The following NEDD4L variants were observed in gnomAD, a reference collection of about 807,000 sequenced individuals.
The protein encoded by NEDD4L is E3 ubiquitin-protein ligase NEDD4-like.
In NEDD4L, 54 loss-of-function variants were observed where a neutral mutation model predicts 148.9. The observed-to-expected ratio is 0.36, with a 90% confidence interval of 0.29 to 0.45. NEDD4L has a LOEUF of 0.45. NEDD4L is among the 20% of genes least tolerant of loss of function. The pLI is 1.00. For missense variants in NEDD4L, 856 were observed against 1,233.8 expected (o/e 0.69, Z 4.59); for synonymous variants, 433 against 440.7 (o/e 0.98, Z 0.22).
chr18:58,070,669 G>A (rs1225726443), intron 1 of NEDD4L, among the ~76,000 whole-genome samples: 1 of 152,088 alleles, frequency 6.6e-6, no homozygotes, highest in Non-Finnish European at 1.5e-5. Flanking sequence ...CCATTCAGCA[G>A]AGTGTTGAAG....
At chr18:58,200,833 G>A (rs938436949) in intron 2 of NEDD4L, among the ~76,000 whole-genome samples, 10 of 152,220 alleles carry the variant, frequency 6.6e-5, no homozygotes, top group Non-Finnish European at 1.5e-4. Context: ...AATATAAAAT[G>A]TATTTGAATA....
At chr18:58,241,007 A>G (rs1012927852) in intron 2 of NEDD4L, among the ~76,000 whole-genome samples, 2 of 151,978 alleles carry the variant, frequency 1.3e-5, no homozygotes, top group African/African-American at 4.8e-5. Context: ...ACGAGATTTT[A>G]CCATGTTGTC....
intron 8 of NEDD4L, 138 bp downstream of exon 8, chr18:58,323,472 T>C: frequency 1.7e-6 from 1 of 593,956 alleles, no homozygotes; most frequent in East Asian, 2.9e-5. Flanking sequence ...AAATTGGTCA[T>C]TGATAGTCTA....
At chr18:58,251,523 CTGTCTGTG>C (rs1600247031) in intron 4 of NEDD4L, among the ~76,000 whole-genome samples, 1 of 151,806 alleles carries the variant, frequency 6.6e-6, no homozygotes, top group East Asian at 1.9e-4. Flanking sequence ...CTCTGTCTGT[CTGTCTGTG>C]TGTTTGTGTG....
intron 2 of NEDD4L, among the ~76,000 whole-genome samples, chr18:58,188,824 A>G (rs2039766866): frequency 6.6e-6 from 1 of 152,228 alleles, no homozygotes; most frequent in African/African-American, 2.4e-5. Flanking sequence ...GGGTTAATTC[A>G]TTGTCTTTCT....
chr18:58,374,207 A>G (rs2146368016), intron 24 of NEDD4L, among the ~76,000 whole-genome samples: 1 of 152,312 alleles, frequency 6.6e-6, no homozygotes, highest in South Asian at 2.1e-4. Context: ...GAGGGTAAAA[A>G]TTGTTGGATA....
At chr18:58,265,139 A>G (rs528185488) in intron 5 of NEDD4L, among the ~76,000 whole-genome samples, 1 of 151,996 alleles carries the variant, frequency 6.6e-6, no homozygotes, top group African/African-American at 2.4e-5. Flanking sequence ...CTGAAAAGTG[A>G]CCAGATTTGT....
intron 30 of NEDD4L, among the ~76,000 whole-genome samples, chr18:58,392,084 G>A (rs1178995314): frequency 2.0e-5 from 3 of 152,240 alleles, no homozygotes; most frequent in Non-Finnish European, 4.4e-5. Flanking sequence ...GAGCGTGGCT[G>A]CCCTCAGAAG....
chr18:58,366,965 C>T lies in NEDD4L; in HGVS notation c.2063+737C>T, dbSNP rs910874221. 1.3e-5 allele frequency among the ~76,000 whole-genome samples: 2 copies of T among 152,252 alleles called. No homozygotes were observed. ...GCTCATTTGGAAGGCCGCCTCAGTACATTCTTCCTGGTTGCTCTAGCCAAG... is the reference window on the plus strand; with the variant it reads ...GCTCATTTGGAAGGCCGCCTCAGTATATTCTTCCTGGTTGCTCTAGCCAAG... On this transcript the variant is annotated intron_variant, in intron 21 of 30. Coordinates refer to ENST00000400345, the MANE Select transcript of NEDD4L (RefSeq NM_001144967.3). The surrounding 1 kb of genome is among the most constrained non-coding windows in gnomAD (Gnocchi z 4.2).
intron 1 of NEDD4L, among the ~76,000 whole-genome samples, chr18:58,057,564 C>G (rs2082143909): frequency 6.6e-6 from 1 of 152,154 alleles, no homozygotes; most frequent in African/African-American, 2.4e-5. Flanking sequence ...TTGGGTGCTG[C>G]TTGGCATTAG....
intron 1 of NEDD4L, among the ~76,000 whole-genome samples, chr18:58,162,006 T>A (rs2036278178): frequency 6.6e-6 from 1 of 152,194 alleles, no homozygotes; most frequent in African/African-American, 2.4e-5. Context: ...TGTTTGTAAC[T>A]CAATTTTATA....
intron 25 of NEDD4L, among the ~76,000 whole-genome samples, chr18:58,385,168 G>A (rs759504430): frequency 1.1e-4 from 17 of 152,178 alleles, no homozygotes; most frequent in Non-Finnish European, 2.1e-4. Flanking sequence ...ATGTATACCT[G>A]TGTGTTCATA....
chr18:58,288,539 A>T (rs2054249593), intron 5 of NEDD4L, among the ~76,000 whole-genome samples: 1 of 152,232 alleles, frequency 6.6e-6, no homozygotes, highest in African/African-American at 2.4e-5. Flanking sequence ...GATTTAACTG[A>T]ATTTTATAGT....
At chr18:58,186,817 C>A (rs2039534465) in intron 2 of NEDD4L, among the ~76,000 whole-genome samples, 2 of 152,226 alleles carry the variant, frequency 1.3e-5, no homozygotes, top group South Asian at 4.1e-4. Context: ...GCCCTGCCTC[C>A]AGGCCTTCTG....
chr18:58,195,858 G>A (rs137970543), intron 2 of NEDD4L: 213 of 486,366 alleles, frequency 4.4e-4, no homozygotes, highest in African/African-American at 3.8e-3. Context: ...GGGATTATTT[G>A]AACTTGCTTG....
At chr18:58,167,830 T>A (rs2037060951) in intron 2 of NEDD4L, among the ~76,000 whole-genome samples, 1 of 152,246 alleles carries the variant, frequency 6.6e-6, no homozygotes, top group Non-Finnish European at 1.5e-5. Flanking sequence ...AAATCTGTAG[T>A]GCTGAAGGAG....
At chr18:58,305,674 C>T (rs2149301169) in intron 5 of NEDD4L, among the ~76,000 whole-genome samples, 1 of 152,306 alleles carries the variant, frequency 6.6e-6, no homozygotes, top group Admixed American at 6.5e-5. Flanking sequence ...GGAAGTTTCT[C>T]CTCATCCTTG....
intron 2 of NEDD4L, among the ~76,000 whole-genome samples, chr18:58,232,155 T>C (rs1431074357): frequency 6.6e-6 from 1 of 152,182 alleles, no homozygotes; most frequent in Admixed American, 6.5e-5. Context: ...TGCTCAAGCA[T>C]GTGCTCTGAC....
chr18:58,313,770 G>A (rs1265832350), intron 5 of NEDD4L, among the ~76,000 whole-genome samples: 2 of 152,226 alleles, frequency 1.3e-5, no homozygotes, highest in Non-Finnish European at 2.9e-5. Context: ...CCTGTCTTTT[G>A]GTGTCTGGGC....
Sources: gnomAD v4.1 joint callset for allele counts (sites outside exome capture counted in the v4.1 genomes callset) on GRCh38, gnomAD v4.1.1 for gene constraint, Gnocchi (gnomAD v3.1) non-coding constraint, MANE v1.5 for transcripts, NCBI Gene and HGNC (gene_info 2026-07-23, HGNC 2026-07-21) for gene names.